The following PMEPA1 variants were observed in gnomAD, a reference collection of about 807,000 sequenced individuals.
PMEPA1 encodes protein TMEPAI.
PMEPA1 carries 11 observed loss-of-function variants against 23.0 expected under a neutral mutation model. The observed-to-expected ratio is 0.48, with a 90% CI of 0.30 to 0.79. PMEPA1 has a LOEUF of 0.79. PMEPA1 is among the 30% of genes least tolerant of loss of function. The probability of loss-of-function intolerance (pLI) is 0.06; values close to 1 mark genes in which losing one functional copy is unlikely to be tolerated. For missense variants in PMEPA1, 377 were observed against 390.9 expected, an observed-to-expected ratio of 0.96 and a Z score of 0.30; for synonymous variants, 204 against 166.4, an observed-to-expected ratio of 1.23 and a Z score of -1.74.
intron 1 of PMEPA1, among the ~76,000 whole-genome samples, chr20:57,669,539 C>T (rs1354243164): frequency 6.6e-6 from 1 of 152,234 alleles, no homozygotes; most frequent in Non-Finnish European, 1.5e-5. Flanking sequence ...TCACAATCAA[C>T]TGGGAACCAC....
At position 57,652,714 on chromosome 20, in the gene PMEPA1, G is replaced by A. The variant is rs149229911; in HGVS notation, c.319-116C>T. ...ACTTGGCTCTCTGGGGAAAGGGAGA[G>A]GGCAGCAGGGCTGGCGGGGGCGGGA... is the stretch of plus-strand genomic sequence containing the variant. On this transcript the variant is annotated intron_variant, in intron 3 of 3. Transcript: ENST00000341744. This position sits in a 1 kb window ranked among gnomAD's most constrained non-coding sequence, Gnocchi z 6.1. 2,563 of 978,036 alleles carry A rather than the reference G, an allele frequency of 2.6e-3. 52 individuals are homozygous for A. In the African/African-American group the frequency reaches 0.036, roughly 14 times the overall value. The allele number at this position is 978,036 out of a possible 1,614,324, so 60.6% of individuals were successfully genotyped here.
At chr20:57,663,291 C>T (rs975606133) in intron 1 of PMEPA1, among the ~76,000 whole-genome samples, 8 of 152,174 alleles carry the variant, frequency 5.3e-5, no homozygotes, top group Non-Finnish European at 1.2e-4. Flanking sequence ...GACTACGGCT[C>T]AGGAGCACCC....
chr20:57,679,505 A>C (rs1445129940), intron 1 of PMEPA1, among the ~76,000 whole-genome samples: 1 of 152,222 alleles, frequency 6.6e-6, no homozygotes, highest in East Asian at 1.9e-4. Context: ...CCTTTCAGAC[A>C]ATGCGGGAGC....
intron 1 of PMEPA1, among the ~76,000 whole-genome samples, chr20:57,664,647 C>A (rs946892977): frequency 6.6e-6 from 1 of 152,212 alleles, no homozygotes; most frequent in Admixed American, 6.5e-5. Context: ...GGATCAGATG[C>A]CTCGCGGGCA....
chr20:57,709,188 C>T lies in PMEPA1; in HGVS notation c.109+286G>A, dbSNP rs1315344837. 4.6e-5 allele frequency among the ~76,000 whole-genome samples: 7 copies of T among 151,420 alleles called. No individual in the cohort carries two copies. In the East Asian group the frequency reaches 7.8e-4, roughly 17 times the overall value. Reference sequence around the variant, plus strand: ...AACTTCACGGATCCGCCCGCCCCAACCCTCCCGCGCCGTGCGCCGCCGCTG... The same window carrying T: ...AACTTCACGGATCCGCCCGCCCCAATCCTCCCGCGCCGTGCGCCGCCGCTG... On this transcript the variant is annotated intron_variant, in intron 1 of 3. Transcript: ENST00000341744.
intron 1 of PMEPA1, among the ~76,000 whole-genome samples, chr20:57,681,868 C>CT (rs1423119495): frequency 6.6e-6 from 1 of 152,154 alleles, no homozygotes; most frequent in Non-Finnish European, 1.5e-5. Context: ...GCCTGAGGTA[C>CT]TCCCCCCAAG....
intron 1 of PMEPA1, among the ~76,000 whole-genome samples, chr20:57,687,672 A>C (rs1267090495): frequency 1.3e-5 from 2 of 152,226 alleles, no homozygotes. Flanking sequence ...TAAAATACTC[A>C]GAAGAAAGAT....
chr20:57,703,237 C>G (rs1049083887), intron 1 of PMEPA1, among the ~76,000 whole-genome samples: 4 of 152,256 alleles, frequency 2.6e-5, no homozygotes, highest in Non-Finnish European at 5.9e-5. Context: ...GGCCCTCCCC[C>G]GCTGCACCTG....
intron 1 of PMEPA1, among the ~76,000 whole-genome samples, chr20:57,698,150 A>G (rs535643218): frequency 2.6e-5 from 4 of 152,306 alleles, no homozygotes; most frequent in African/African-American, 9.6e-5. Context: ...ATCCATAAAC[A>G]CAGGGAGAGA....
intron 2 of PMEPA1, among the ~76,000 whole-genome samples, chr20:57,653,571 T>C (rs2071284467): frequency 6.6e-6 from 1 of 152,248 alleles, no homozygotes; most frequent in South Asian, 2.1e-4. Flanking sequence ...TCATAGTTGC[T>C]CAAGCACTTG....
At chr20:57,699,890 G>T in intron 1 of PMEPA1, 1 of 384,682 alleles carries the variant, frequency 2.6e-6, no homozygotes, top group Non-Finnish European at 5.2e-6. Flanking sequence ...CCTCAGAGAA[G>T]CCTCCCGGCC....
At chr20:57,696,799 G>A (rs534146150) in intron 1 of PMEPA1, among the ~76,000 whole-genome samples, 1 of 152,340 alleles carries the variant, frequency 6.6e-6, no homozygotes, top group South Asian at 2.1e-4. Context: ...GGAATGCCGC[G>A]AAGCGCTCAG....
intron 1 of PMEPA1, among the ~76,000 whole-genome samples, chr20:57,680,307 G>T (rs1229855130): frequency 3.9e-5 from 6 of 152,236 alleles, no homozygotes; most frequent in Non-Finnish European, 7.3e-5. Flanking sequence ...GGGACCTCAA[G>T]GGCAGCTGCT....
rs2071278329 is a variant in PMEPA1 at position 57,653,170 on chromosome 20, C to T, written c.265-84G>A. ...GCTCAACCCAGATTCGACTCTTAGG[C>T]CTTTACCCTGGAATCAGCTCTTGAA... is the stretch of plus-strand genomic sequence containing the variant. On this transcript the variant is annotated intron_variant, in intron 2 of 3. Transcript: ENST00000341744. 8 of 1,145,720 alleles carry T rather than the reference C, an allele frequency of 7.0e-6. No individual in the cohort carries two copies. The East Asian group carries it at 1.8e-4, about 26-fold the overall frequency. 71.0% of individuals were successfully genotyped at this position (1,145,720 alleles called of 1,614,324 possible).
chr20:57,710,849 A>C, upstream of PMEPA1: 1 of 187,806 alleles, frequency 5.3e-6, no homozygotes, highest in Non-Finnish European at 1.1e-5. Context: ...TACATAAGAG[A>C]CCTCCCCTCC....
chr20:57,678,570 C>T (rs976249223), intron 1 of PMEPA1, among the ~76,000 whole-genome samples: 7 of 152,204 alleles, frequency 4.6e-5, no homozygotes, highest in South Asian at 2.1e-4. Flanking sequence ...CAGCCTCCCT[C>T]GCCTCCCGCT....
chr20:57,699,753 TG>T (rs1211320719), intron 1 of PMEPA1, among the ~76,000 whole-genome samples: 1 of 152,180 alleles, frequency 6.6e-6, no homozygotes, highest in Non-Finnish European at 1.5e-5. Flanking sequence ...GGACATGGCC[TG>T]GAAAATCTGA....
chr20:57,710,542 T>G (rs2072165102), upstream of PMEPA1: 1 of 1,480,706 alleles, frequency 6.8e-7, no homozygotes, highest in Admixed American at 2.0e-5. Flanking sequence ...CCCCAAGCGC[T>G]TTCACCCGAA....
At chr20:57,658,343 T>G (rs2146643722) in intron 2 of PMEPA1, among the ~76,000 whole-genome samples, 1 of 152,260 alleles carries the variant, frequency 6.6e-6, no homozygotes, top group African/African-American at 2.4e-5. Context: ...CAGCACGGCC[T>G]CAAGAGCAGC....
Sources: gnomAD v4.1 joint callset for allele counts (sites outside exome capture counted in the v4.1 genomes callset) on GRCh38, gnomAD v4.1.1 for gene constraint, Gnocchi (gnomAD v3.1) non-coding constraint, MANE v1.5 for transcripts, NCBI Gene and HGNC (gene_info 2026-07-23, HGNC 2026-07-21) for gene names.